SEMA3E: variants seen among roughly 807,000 people sequenced by gnomAD.
The protein encoded by SEMA3E is semaphorin-3E.
A neutral mutation model predicts 93.6 loss-of-function variants in SEMA3E; 49 were observed. The ratio of observed to expected loss-of-function variants is 0.52; its 90% CI spans 0.42 to 0.66. The LOEUF is 0.66. Ranked by LOEUF, SEMA3E falls within the 30% of genes least tolerant of loss-of-function variation. The pLI is 0.00. For synonymous variants in SEMA3E, 363 were observed against 330.7 expected, an observed-to-expected ratio of 1.10 and a Z score of -1.06; for missense variants, 906 against 964.8, an observed-to-expected ratio of 0.94 and a Z score of 0.81.
intron 1 of SEMA3E, among the ~76,000 whole-genome samples, chr7:83,632,445 C>T (rs1562863282): frequency 6.6e-6 from 1 of 152,124 alleles, no homozygotes. Context: ...TGGGGGCAGT[C>T]TTCCCCATGC....
intron 4 of SEMA3E, among the ~76,000 whole-genome samples, chr7:83,440,305 AG>A (rs1297650167): frequency 6.6e-6 from 1 of 151,974 alleles, no homozygotes; most frequent in Admixed American, 6.6e-5. Context: ...CTTGTCCTGG[AG>A]GTGGTAGGGT....
intron 1 of SEMA3E, among the ~76,000 whole-genome samples, chr7:83,633,334 G>C (rs1793823296): frequency 6.6e-6 from 1 of 151,862 alleles, no homozygotes; most frequent in Non-Finnish European, 1.5e-5. Flanking sequence ...CCAATGAGAA[G>C]GTGATATTTA....
intron 4 of SEMA3E, among the ~76,000 whole-genome samples, chr7:83,458,867 TTA>T (rs1011110140): frequency 4.1e-5 from 6 of 146,818 alleles, no homozygotes; most frequent in East Asian, 2.0e-4. Flanking sequence ...ATATATATGA[TTA>T]TATGTTATAT....
chr7:83,590,847 G>A (rs1792743503), intron 1 of SEMA3E, among the ~76,000 whole-genome samples: 1 of 152,090 alleles, frequency 6.6e-6, no homozygotes, highest in African/African-American at 2.4e-5. Flanking sequence ...TTACTAGAAT[G>A]TGAGATTATA....
chr7:83,560,778 C>A (rs959866634), intron 1 of SEMA3E, among the ~76,000 whole-genome samples: 1 of 151,706 alleles, frequency 6.6e-6, no homozygotes, highest in Non-Finnish European at 1.5e-5. Flanking sequence ...TGCCAATGAA[C>A]TTTGCCATCA....
intron 15 of SEMA3E, among the ~76,000 whole-genome samples, chr7:83,385,884 G>T (rs1787869985): frequency 6.6e-6 from 1 of 152,078 alleles, no homozygotes; most frequent in Non-Finnish European, 1.5e-5. Context: ...CATTTATCTG[G>T]GTGTTGGGCT....
intron 5 of SEMA3E, among the ~76,000 whole-genome samples, chr7:83,415,687 A>G (rs1788526905): frequency 1.3e-5 from 2 of 152,132 alleles, no homozygotes; most frequent in South Asian, 4.1e-4. Flanking sequence ...ATTGTATCTA[A>G]AATTAGGAAA....
chr7:83,600,137 A>G (rs993171411), intron 1 of SEMA3E, among the ~76,000 whole-genome samples: 1 of 152,012 alleles, frequency 6.6e-6, no homozygotes, highest in African/African-American at 2.4e-5. Flanking sequence ...AGACTTTTCT[A>G]TTCTTATTCC....
intron 2 of SEMA3E, 59 bp downstream of exon 2, chr7:83,490,055 A>T: frequency 6.5e-7 from 1 of 1,537,730 alleles, no homozygotes; most frequent in Non-Finnish European, 9.0e-7. Context: ...GACAAGTAAC[A>T]TTCTTGAAAT....
intron 1 of SEMA3E, among the ~76,000 whole-genome samples, chr7:83,640,446 C>G (rs984413334): frequency 6.6e-6 from 1 of 152,172 alleles, no homozygotes; most frequent in African/African-American, 2.4e-5. Flanking sequence ...CCTCTCCTCT[C>G]CAATTGCCAC....
chr7:83,609,455 T>C (rs1793201554), intron 1 of SEMA3E, among the ~76,000 whole-genome samples: 1 of 152,034 alleles, frequency 6.6e-6, no homozygotes, highest in South Asian at 2.1e-4. Flanking sequence ...TTTAGGTACA[T>C]TTCTGCTTAA....
chr7:83,519,401 G>GTT (rs1189695259), intron 1 of SEMA3E, among the ~76,000 whole-genome samples: 2 of 152,188 alleles, frequency 1.3e-5, no homozygotes, highest in East Asian at 3.9e-4. Flanking sequence ...AGTTTACATT[G>GTT]TTTTAGCATG....
intron 14 of SEMA3E, among the ~76,000 whole-genome samples, chr7:83,387,902 A>ATATGTT (rs1787915192): frequency 6.8e-6 from 1 of 147,118 alleles, no homozygotes; most frequent in Admixed American, 6.9e-5. Flanking sequence ...AACATTATAT[A>ATATGTT]TATAAAATTC....
rs1297206420 is a variant in SEMA3E, at chr7:83,430,455, AAAAAG to A, written c.457-11977_457-11973del. 5.3e-5 allele frequency among the ~76,000 whole-genome samples: 8 copies of A among 152,278 alleles called. No homozygotes were observed. The East Asian group carries it at 7.7e-4, about 15-fold the overall frequency. ...ACTCCAGCCTGGGTGACGTTAAAAA[AAAAAG>A]AAAAGCCCAGATGAATACCACGGAA... is the stretch of plus-strand genomic sequence containing the variant. On this transcript the variant is annotated intron_variant, in intron 4 of 16. Coordinates refer to ENST00000643230, the MANE Select transcript of SEMA3E (RefSeq NM_012431.3).
At chr7:83,643,552 T>G (rs1794041170) in intron 1 of SEMA3E, among the ~76,000 whole-genome samples, 1 of 152,094 alleles carries the variant, frequency 6.6e-6, no homozygotes, top group Non-Finnish European at 1.5e-5. Context: ...AAGAATTTAA[T>G]AATTCATAGA....
At chr7:83,604,038 T>C (rs905007671) in intron 1 of SEMA3E, among the ~76,000 whole-genome samples, 2 of 152,194 alleles carry the variant, frequency 1.3e-5, no homozygotes, top group African/African-American at 4.8e-5. Flanking sequence ...AAGAGATTCA[T>C]ATCCCTAATT....
intron 2 of SEMA3E, among the ~76,000 whole-genome samples, chr7:83,485,904 A>T (rs1242896678): frequency 2.0e-5 from 3 of 152,122 alleles, no homozygotes; most frequent in Admixed American, 6.6e-5. Flanking sequence ...TTCTGTATGA[A>T]ATGTTATGTT....
intron 1 of SEMA3E, among the ~76,000 whole-genome samples, chr7:83,564,607 GTTAAA>G (rs1792103319): frequency 6.6e-6 from 1 of 152,082 alleles, no homozygotes; most frequent in Non-Finnish European, 1.5e-5. Flanking sequence ...GTTGCTAACA[GTTAAA>G]TTAATCATTT....
At position 83,433,865 on chromosome 7, in the gene SEMA3E, G is replaced by C. The variant is rs1788938897; in HGVS notation, c.457-15382C>G. Reference sequence around the variant, plus strand: ...CTTATCAAAGTTAGACATAAGAACAGTTAAACACCTTTCACTGATAAAATA... The same window carrying C: ...CTTATCAAAGTTAGACATAAGAACACTTAAACACCTTTCACTGATAAAATA... On this transcript the variant is annotated intron_variant, in intron 4 of 16. Transcript: ENST00000643230. Among the ~76,000 whole-genome samples, 4 of 151,994 alleles carry C rather than the reference G, an allele frequency of 2.6e-5. No individual in the cohort carries two copies. The South Asian group carries it at 8.3e-4, about 31-fold the overall frequency.
Sources: allele counts gnomAD v4.1 joint callset (sites outside exome capture counted in the v4.1 genomes callset), GRCh38; gene constraint gnomAD v4.1.1; transcripts MANE v1.5; gene names NCBI Gene and HGNC (gene_info 2026-07-23, HGNC 2026-07-21).